ATP9B: variants seen among roughly 807,000 people sequenced by gnomAD.
ATP9B encodes probable phospholipid-transporting ATPase IIB.
ATP9B carries 110 observed loss-of-function variants against 146.1 expected under a neutral mutation model. The observed-to-expected ratio is 0.75, with a 90% CI of 0.65 to 0.88. The LOEUF (loss-of-function observed/expected upper bound fraction) is 0.88. Among genes scored for constraint, ATP9B ranks in the 40% least tolerant of loss-of-function variants. The pLI is 0.00. For missense variants in ATP9B, 1,499 were observed against 1,496.4 expected (o/e 1.00, Z -0.03); for synonymous variants, 604 against 569.7 (o/e 1.06, Z -0.86).
At chr18:79,155,960 C>T (rs1021510579) in intron 7 of ATP9B, among the ~76,000 whole-genome samples, 33 of 151,826 alleles carry the variant, frequency 2.2e-4, no homozygotes, top group Non-Finnish European at 8.8e-5. Context: ...GACGGGGTTT[C>T]ACCATGTTAG....
At chr18:79,258,837 G>A (rs1568514747) in intron 12 of ATP9B, among the ~76,000 whole-genome samples, 1 of 152,216 alleles carries the variant, frequency 6.6e-6, no homozygotes, top group Non-Finnish European at 1.5e-5. Flanking sequence ...GGTGCACGCA[G>A]GGATGAGAAC....
intron 17 of ATP9B, among the ~76,000 whole-genome samples, chr18:79,335,146 C>T (rs2096816649): frequency 6.6e-6 from 1 of 152,206 alleles, no homozygotes; most frequent in African/African-American, 2.4e-5. Context: ...AGATTCTCTC[C>T]GCTGGCTATG....
intron 5 of ATP9B, among the ~76,000 whole-genome samples, chr18:79,139,953 C>A (rs1432044511): frequency 6.6e-6 from 1 of 152,102 alleles, no homozygotes; most frequent in Non-Finnish European, 1.5e-5. Context: ...ATTTCAGTTA[C>A]CCTTTAAACC....
chr18:79,330,563 C>T (rs1438842333), intron 17 of ATP9B, among the ~76,000 whole-genome samples: 1 of 152,120 alleles, frequency 6.6e-6, no homozygotes, highest in Non-Finnish European at 1.5e-5. Context: ...CAGGCACCCG[C>T]CACCATGCCT....
intron 6 of ATP9B, among the ~76,000 whole-genome samples, chr18:79,152,987 C>T (rs1460856769): frequency 6.6e-6 from 1 of 152,160 alleles, no homozygotes; most frequent in East Asian, 1.9e-4. Flanking sequence ...CATTTAATTT[C>T]TCTCAACGAT....
chr18:79,218,015 T>C, intron 11 of ATP9B, among the ~76,000 whole-genome samples: 1 of 152,240 alleles, frequency 6.6e-6, no homozygotes, highest in Admixed American at 6.5e-5. Context: ...CAAATACATA[T>C]TTTTGAATGA....
chr18:79,358,591 G>C (rs1318916948), intron 25 of ATP9B, among the ~76,000 whole-genome samples: 1 of 16,832 alleles, frequency 5.9e-5, no homozygotes, highest in Admixed American at 6.7e-4. Context: ...CTGTGTGAGG[G>C]ATGCTCTGGG....
intron 11 of ATP9B, among the ~76,000 whole-genome samples, chr18:79,252,294 A>G (rs1266270032): frequency 2.0e-5 from 3 of 152,174 alleles, no homozygotes; most frequent in African/African-American, 7.2e-5. Context: ...AAGAAAACCA[A>G]AGCCCAGCTT....
At chr18:79,192,628 T>A (rs1304028882) in intron 8 of ATP9B, among the ~76,000 whole-genome samples, 4 of 152,174 alleles carry the variant, frequency 2.6e-5, no homozygotes, top group African/African-American at 9.7e-5. Context: ...TGATGTGTGT[T>A]TCGTGAAAGC....
At chr18:79,112,545 C>G (rs2093993195) in intron 3 of ATP9B, among the ~76,000 whole-genome samples, 1 of 151,812 alleles carries the variant, frequency 6.6e-6, no homozygotes, top group African/African-American at 2.4e-5. Flanking sequence ...AATTAACTAC[C>G]CAAAGACCAT....
In ATP9B at chr18:79,149,672, T is replaced by C. The variant is rs545214483; in HGVS notation, c.727-4832T>C. ...TGTAAACCATATATTCAACAAAGAT[T>C]TCTGTCTAGAATATATAAAAACTCC... On this transcript the variant is annotated intron_variant, in intron 6 of 29. Coordinates refer to ENST00000426216, the MANE Select transcript of ATP9B (RefSeq NM_198531.5). Among the ~76,000 whole-genome samples the C allele has an allele frequency of 2.0e-4, 31 of 152,030 alleles. 1 individual carries two copies. The South Asian group carries it at 6.4e-3, about 32-fold the overall frequency.
chr18:79,263,044 G>C (rs757119017), intron 12 of ATP9B, among the ~76,000 whole-genome samples: 2 of 152,068 alleles, frequency 1.3e-5, no homozygotes, highest in Non-Finnish European at 2.9e-5. Flanking sequence ...CAGCCTTTGA[G>C]CATTGTTTTA....
In ATP9B at chr18:79,194,665, A is replaced by G. The variant is rs1465866625; in HGVS notation, c.954+1402A>G. On this transcript the variant is annotated intron_variant, in intron 9 of 29. Transcript: ENST00000426216. Reference sequence around the variant, plus strand: ...AATGGTGGCCACTTAACTTTGTTACATACCACACAGGCTTCCAAAATCATA... The same window carrying G: ...AATGGTGGCCACTTAACTTTGTTACGTACCACACAGGCTTCCAAAATCATA... 4 of 152,242 alleles carry G rather than the reference A, an allele frequency of 2.6e-5. No homozygotes were observed. In the South Asian group the frequency reaches 8.3e-4, roughly 32 times the overall value. The allele number at this position is 152,242 out of a possible 1,614,324, so 9.4% of individuals were successfully genotyped here. A position where few individuals can be genotyped will look rare whatever the true frequency, so the allele number is the denominator to read the frequency against.
chr18:79,303,615 C>G lies in ATP9B; in HGVS notation c.1423C>G (p.Gln475Glu), dbSNP rs1259467268. 1 of 1,613,746 alleles carries G rather than the reference C, an allele frequency of 6.2e-7. No individual in the cohort carries two copies. The highest frequency in any genetic ancestry group is 8.5e-7 in the Non-Finnish European group (1 of 1,179,868). ...CCCCTTTATCCTAGGAACCCTCACCCAGAATGAAATGATATTTAAGCGGCT... is the reference window on the plus strand; with the variant it reads ...CCCCTTTATCCTAGGAACCCTCACCGAGAATGAAATGATATTTAAGCGGCT... ...LLTDKTGTLT[Q>E]NEMIFKRLHL... The change falls in exon 14 of 30, where the codon CAG (glutamine) becomes GAG (glutamate). Residue 475 changes from glutamine to glutamate, a missense_variant. Transcript: ENST00000426216.
At chr18:79,212,413 C>G (rs1427749542) in intron 10 of ATP9B, among the ~76,000 whole-genome samples, 1 of 152,238 alleles carries the variant, frequency 6.6e-6, no homozygotes. Context: ...CTAGAGTCCA[C>G]TTTGCTCATC....
chr18:79,197,818 G>GTTAAAA (rs1489349137), intron 9 of ATP9B, among the ~76,000 whole-genome samples: 1 of 152,186 alleles, frequency 6.6e-6, no homozygotes, highest in African/African-American at 2.4e-5. Context: ...TTAAAAGGCA[G>GTTAAAA]AGACTGTCAG....
intron 13 of ATP9B, among the ~76,000 whole-genome samples, chr18:79,302,450 G>A (rs915976114): frequency 2.6e-5 from 4 of 151,224 alleles, no homozygotes; most frequent in African/African-American, 9.7e-5. Context: ...TGAAATAAGT[G>A]CACACACCCC....
intron 13 of ATP9B, among the ~76,000 whole-genome samples, chr18:79,287,680 G>T (rs1245640262): frequency 6.6e-6 from 1 of 151,888 alleles, no homozygotes; most frequent in Non-Finnish European, 1.5e-5. Flanking sequence ...GTTTGCTCTT[G>T]CTTTTCTAGT....
intron 26 of ATP9B, among the ~76,000 whole-genome samples, chr18:79,369,977 TA>T (rs2097059694): frequency 6.6e-6 from 1 of 152,120 alleles, no homozygotes; most frequent in Non-Finnish European, 1.5e-5. Flanking sequence ...TGCACACTTG[TA>T]ATCCCAGCTA....
Sources: allele counts gnomAD v4.1 joint callset (sites outside exome capture counted in the v4.1 genomes callset), GRCh38; gene constraint gnomAD v4.1.1; transcripts MANE v1.5; gene names NCBI Gene and HGNC (gene_info 2026-07-23, HGNC 2026-07-21).